NAALADL2: variants seen among roughly 807,000 people sequenced by gnomAD.
NAALADL2 encodes inactive N-acetylated-alpha-linked acidic dipeptidase-like protein 2.
In NAALADL2, 76 loss-of-function variants were observed where a neutral mutation model predicts 87.2. The ratio of observed to expected loss-of-function variants is 0.87; its 90% CI spans 0.72 to 1.05. NAALADL2 has a LOEUF of 1.05. NAALADL2 is among the 50% of genes least tolerant of loss of function. The probability of loss-of-function intolerance (pLI) is 0.00; values close to 1 mark genes in which losing one functional copy is unlikely to be tolerated. For missense variants in NAALADL2, 1,089 were observed against 945.8 expected (o/e 1.15, Z -1.99); for synonymous variants, 354 against 331.0 (o/e 1.07, Z -0.75).
intron 9 of NAALADL2, among the ~76,000 whole-genome samples, chr3:175,556,140 C>A (rs1204707654): frequency 1.3e-5 from 2 of 152,130 alleles, no homozygotes; most frequent in African/African-American, 4.8e-5. Flanking sequence ...GTGATAACAG[C>A]CTGTCTCTTG....
chr3:175,344,662 T>C (rs1762941177), intron 5 of NAALADL2, among the ~76,000 whole-genome samples: 1 of 152,100 alleles, frequency 6.6e-6, no homozygotes, highest in African/African-American at 2.4e-5. Context: ...ATGAAAGCAC[T>C]GTTCCCTGCC....
chr3:175,134,132 G>A (rs527259474), intron 2 of NAALADL2, among the ~76,000 whole-genome samples: 7 of 152,282 alleles, frequency 4.6e-5, no homozygotes, highest in Admixed American at 2.6e-4. Context: ...CTTGTCTACA[G>A]TCACAGTTTA....
chr3:175,641,851 A>G (rs1729327705), intron 11 of NAALADL2, among the ~76,000 whole-genome samples: 2 of 152,242 alleles, frequency 1.3e-5, no homozygotes. Context: ...TTAAGCATAA[A>G]AAGTACACTT....
At chr3:175,478,349 T>C (rs1030606278) in intron 9 of NAALADL2, among the ~76,000 whole-genome samples, 16 of 151,992 alleles carry the variant, frequency 1.1e-4, no homozygotes, top group African/African-American at 2.9e-4. Context: ...TGTGATTCTA[T>C]TGGCAGGTTT....
intron 2 of NAALADL2, among the ~76,000 whole-genome samples, chr3:175,117,630 G>A (rs1225409937): frequency 6.6e-6 from 1 of 150,564 alleles, no homozygotes; most frequent in Non-Finnish European, 1.5e-5. Flanking sequence ...GTGCTGGAGA[G>A]GATGTGGAGA....
At chr3:175,664,525 C>T (rs1192985851) in intron 11 of NAALADL2, among the ~76,000 whole-genome samples, 1 of 152,096 alleles carries the variant, frequency 6.6e-6, no homozygotes, top group African/African-American at 2.4e-5. Flanking sequence ...GTGCCTAGAA[C>T]AGTGTCTGAC....
At chr3:174,891,626 A>G (rs1456927966) in intron 1 of NAALADL2, among the ~76,000 whole-genome samples, 2 of 152,156 alleles carry the variant, frequency 1.3e-5, no homozygotes, top group African/African-American at 2.4e-5. Flanking sequence ...CCAGAGGGGA[A>G]TCACTGATCA....
intron 2 of NAALADL2, among the ~76,000 whole-genome samples, chr3:174,623,270 G>A (rs1037836654): frequency 1.3e-5 from 2 of 152,162 alleles, no homozygotes; most frequent in African/African-American, 4.8e-5. Context: ...ATAGCAACAG[G>A]AAGGGGCTAC....
intron 2 of NAALADL2, among the ~76,000 whole-genome samples, chr3:174,671,061 C>T (rs1726485220): frequency 6.6e-6 from 1 of 152,074 alleles, no homozygotes; most frequent in African/African-American, 2.4e-5. Context: ...ATGATTGTAA[C>T]TTCTGAGACC....
In NAALADL2 at chr3:174,928,841, T is replaced by A. The variant is rs73047052; in HGVS notation, c.43+69391T>A. Among the ~76,000 whole-genome samples, 205 of 152,318 alleles carry A rather than the reference T, an allele frequency of 1.3e-3. 1 individual carries two copies. The highest frequency in any genetic ancestry group is 6.8e-3 in the Middle Eastern group (2 of 294). ...GTTTGGAATAATGCTTAAATCCATA[T>A]ATCATTGTCTTTGGATGGACTTTTA... is the stretch of plus-strand genomic sequence containing the variant. On this transcript the variant is annotated intron_variant, in intron 1 of 13. Transcript: ENST00000454872.
intron 2 of NAALADL2, among the ~76,000 whole-genome samples, chr3:174,732,795 A>G (rs1732829957): frequency 1.3e-5 from 2 of 152,204 alleles, no homozygotes; most frequent in Admixed American, 6.5e-5. Context: ...TAGAATGGCA[A>G]CCATTAAAAA....
chr3:175,292,728 GTC>G (rs1755791799), intron 4 of NAALADL2, among the ~76,000 whole-genome samples: 1 of 151,772 alleles, frequency 6.6e-6, no homozygotes, highest in Admixed American at 6.6e-5. Context: ...GTGTACAAAG[GTC>G]TAGGGACATA....
chr3:174,582,641 G>A (rs763484425), intron 2 of NAALADL2, among the ~76,000 whole-genome samples: 12 of 152,146 alleles, frequency 7.9e-5, no homozygotes, highest in Non-Finnish European at 1.6e-4. Context: ...GAATGCAGTG[G>A]TGTGATCTCG....
At chr3:175,291,561 C>T (rs1755642344) in intron 4 of NAALADL2, among the ~76,000 whole-genome samples, 1 of 151,968 alleles carries the variant, frequency 6.6e-6, no homozygotes. Flanking sequence ...ATAATTAAAA[C>T]AACAAAGTTT....
At chr3:175,562,773 C>T (rs1453646373) in intron 9 of NAALADL2, among the ~76,000 whole-genome samples, 2 of 114,100 alleles carry the variant, frequency 1.8e-5, no homozygotes, top group Admixed American at 1.0e-4. Flanking sequence ...TCATCTTTTA[C>T]TCAGCCTAAA....
intron 9 of NAALADL2, among the ~76,000 whole-genome samples, chr3:175,558,893 C>A (rs13326074): frequency 0.019 from 2,862 of 152,116 alleles, 64 homozygotes; most frequent in Admixed American, 0.061. Flanking sequence ...CTTAGAATAG[C>A]TTTGGCTATT....
At chr3:174,468,968 G>A (rs145971253) in intron 1 of NAALADL2, among the ~76,000 whole-genome samples, 1,544 of 151,496 alleles carry the variant, frequency 0.01, 33 homozygotes, top group African/African-American at 0.036. Context: ...TCACCATGTT[G>A]GCCAGGCTGG....
intron 4 of NAALADL2, among the ~76,000 whole-genome samples, chr3:175,319,592 G>A (rs781695399): frequency 1.5e-4 from 23 of 152,124 alleles, no homozygotes; most frequent in Non-Finnish European, 3.4e-4. Flanking sequence ...GGCCGAGTCG[G>A]CAATATCATT....
intron 9 of NAALADL2, among the ~76,000 whole-genome samples, chr3:175,479,203 G>A (rs1726117164): frequency 6.6e-6 from 1 of 151,718 alleles, no homozygotes; most frequent in Non-Finnish European, 1.5e-5. Context: ...ACAATTTTGT[G>A]TTTGAATGGT....
Sources: allele counts gnomAD v4.1 joint callset (sites outside exome capture counted in the v4.1 genomes callset), GRCh38; gene constraint gnomAD v4.1.1; transcripts MANE v1.5; gene names NCBI Gene and HGNC (gene_info 2026-07-23, HGNC 2026-07-21).